The following BPIFB6 variants were observed in gnomAD, a reference collection of about 807,000 sequenced individuals.
BPIFB6 encodes the protein BPI fold-containing family B member 6.
In BPIFB6, 47 loss-of-function variants were observed where a neutral mutation model predicts 54.7. The observed-to-expected ratio is 0.86, with a 90% CI of 0.68 to 1.10. The LOEUF is 1.10. BPIFB6 is among the 50% of genes least tolerant of loss of function. The pLI is 0.00. For synonymous variants in BPIFB6, 255 were observed against 225.9 expected, an observed-to-expected ratio of 1.13 and a Z score of -1.16; for missense variants, 603 against 564.1, an observed-to-expected ratio of 1.07 and a Z score of -0.70.
In BPIFB6 at chr20:33,043,318, C is replaced by T. The variant is rs773930350; in HGVS notation, c.1280C>T (p.Pro427Leu). 2.9e-5 allele frequency: 47 copies of T among 1,614,074 alleles called. 1 individual carries two copies. The Middle Eastern group carries it at 8.2e-4, about 28-fold the overall frequency. ...GTGCTTCAAGTGGGGCTCCCACTCCCGGACTTTCTGGCCATGAATTACAAC... is the reference window on the plus strand; with the variant it reads ...GTGCTTCAAGTGGGGCTCCCACTCCTGGACTTTCTGGCCATGAATTACAAC... ...NDVLQVGLPL[P>L]DFLAMNYNLA... Residue 427 changes from proline to leucine, a missense_variant, in exon 14 of 15, where the codon CCG (proline) becomes CTG (leucine). By Grantham distance (98) the Pro-to-Leu change is moderately conservative. Transcript: ENST00000349552.
Position 33,038,908 on chromosome 20 carries a change from G to T in BPIFB6, c.847-1G>T, listed in dbSNP as rs143750023. ...CCCTAACCTTGACTTTTATTCTGTAGATTGGTGAGCTGCCCCCACAAACCA... is the reference window on the plus strand; with the variant it reads ...CCCTAACCTTGACTTTTATTCTGTATATTGGTGAGCTGCCCCCACAAACCA... On this transcript the variant is annotated splice_acceptor_variant, in intron 8 of 14. Transcript: ENST00000349552. LOFTEE classifies it high-confidence loss of function. 1 of 1,614,050 alleles carries T rather than the reference G, an allele frequency of 6.2e-7. No homozygotes were observed. The highest frequency in any genetic ancestry group is 1.3e-5 in the African/African-American group (1 of 75,004).
rs776411676 is a variant in BPIFB6 at position 33,042,875 on chromosome 20, A to G, written c.1249A>G (p.Asn417Asp). ...YLEEAYIPVV[N>D]DVLQVGLPLP... ...CGAAGAAGCCTACATCCCAGTTGTC[A>G]ATGGTGAGGGTTCCAAAAGGCTTTG... The change falls in exon 13 of 15, where the codon AAT becomes GAT. Residue 417 changes from asparagine (N) to aspartate (D), a missense_variant. Asn to Asp is a conservative substitution (Grantham distance 23). Coordinates refer to ENST00000349552, the MANE Select transcript of BPIFB6 (RefSeq NM_174897.2). The G allele has an allele frequency of 1.2e-6, 2 of 1,613,972 alleles. No homozygotes were observed. Among genetic ancestry groups the G allele is most frequent in the South Asian group, 1.1e-5 (1 of 91,074 alleles).
rs1324579541 is a variant in BPIFB6 at position 33,037,564 on chromosome 20, T to C, written c.672T>C (p.Pro224=). 2.5e-6 allele frequency: 4 copies of C among 1,609,694 alleles called. No individual in the cohort carries two copies. Among genetic ancestry groups the C allele is most frequent in the Non-Finnish European group, 3.4e-6 (4 of 1,176,980 alleles). The part of the protein sequence containing the change: ...TASYIQLDFS[P]VVQQQKGKTI... ...GTCTCCCTCCTGCTGCCCCATAGCC[T>C]GTGGTGCAGCAGCAAAAGGGCAAAA... The change falls in exon 8 of 15, where the codon CCT becomes CCC. Residue 224 remains proline, a splice_region_variant and synonymous_variant. Coordinates refer to ENST00000349552, the MANE Select transcript of BPIFB6 (RefSeq NM_174897.2).
intron 9 of BPIFB6, 28 bp from the exon 10 acceptor site, chr20:33,039,319 C>A: frequency 6.3e-7 from 1 of 1,584,514 alleles, no homozygotes. Context: ...AAGGACTGGC[C>A]CTGAGTGAAG....
chr20:33,043,368 G>T lies in BPIFB6; in HGVS notation c.1329+1G>T. 6.2e-7 allele frequency: 1 copy of T among 1,614,044 alleles called. No homozygotes were observed. The highest frequency in any genetic ancestry group is 8.5e-7 in the Non-Finnish European group (1 of 1,179,902). Reference sequence around the variant, plus strand: ...CCTGGCTGAGCTGGACATAGTAGAGGTGAGAGGAGGGGCTAGGGGAGGTCA... The same window carrying T: ...CCTGGCTGAGCTGGACATAGTAGAGTTGAGAGGAGGGGCTAGGGGAGGTCA... On this transcript the variant is annotated splice_donor_variant, in intron 14 of 14. Transcript: ENST00000349552. LOFTEE classifies it high-confidence loss of function.
In BPIFB6 at chr20:33,034,435, A is replaced by G. The variant is rs41293142; in HGVS notation, c.302+145A>G. 10,060 of 691,984 alleles carry G rather than the reference A, an allele frequency of 0.015. 656 individuals are homozygous for G. In the African/African-American group the frequency reaches 0.15, roughly 10 times the overall value. 42.9% of individuals were successfully genotyped at this position (691,984 alleles called of 1,614,324 possible). On this transcript the variant is annotated intron_variant, in intron 3 of 14. Coordinates refer to ENST00000349552, the MANE Select transcript of BPIFB6 (RefSeq NM_174897.2). ...GACTTGGTCCCTACCTTTGTCAGGA[A>G]CCAGACCTAAGCACAATCACAGACT...
Position 33,038,948 on chromosome 20 carries a change from C to G in BPIFB6, c.886C>G (p.Arg296Gly). ...LPPQTTKTLA[R>G]FIPEVAVAYP... ...CCCACAAACCACCAAGACCCTGGCT[C>G]GCTTCATTCCTGAAGTGAGTGCCCC... The change falls in exon 9 of 15, where the codon CGC (arginine) becomes GGC (glycine). Residue 296 changes from arginine to glycine, a missense_variant. By Grantham distance (125) the Arg-to-Gly change is moderately radical. Coordinates refer to ENST00000349552, the MANE Select transcript of BPIFB6 (RefSeq NM_174897.2). 6.2e-7 allele frequency: 1 copy of G among 1,614,042 alleles called. No homozygotes were observed. Among genetic ancestry groups the G allele is most frequent in the Non-Finnish European group, 8.5e-7 (1 of 1,180,002 alleles).
chr20:33,043,063 G>A (rs1979658607), intron 13 of BPIFB6, among the ~76,000 whole-genome samples, 185 bp downstream of exon 13: 2 of 152,202 alleles, frequency 1.3e-5, no homozygotes, highest in African/African-American at 4.8e-5. Context: ...GAAGACAAAT[G>A]CCTCTCCCAC....
At chr20:33,034,642 T>C in intron 3 of BPIFB6, 121 bp from the exon 4 acceptor site, 1 of 1,143,060 alleles carries the variant, frequency 8.7e-7, no homozygotes, top group Middle Eastern at 3.0e-4. Context: ...TTTTCTGTCT[T>C]GTAGGGGTGG....
intron 5 of BPIFB6, 28 bp downstream of exon 5, chr20:33,035,172 C>T: frequency 6.2e-7 from 1 of 1,610,116 alleles, no homozygotes; most frequent in Non-Finnish European, 8.5e-7. Flanking sequence ...AGCCTCCACC[C>T]CTCGTTGCTG....
rs1217826911 is a variant in BPIFB6 at position 33,035,150 on chromosome 20, T to C, written c.516+6T>C. On this transcript the variant is annotated splice_donor_region_variant and intron_variant, in intron 5 of 14. Coordinates refer to ENST00000349552, the MANE Select transcript of BPIFB6 (RefSeq NM_174897.2). ...ACAAAGTCCTCCCTGGGCTGGTGAG[T>C]GACCCAGAGAAAGCCTCCACCCCTC... 3 of 1,613,386 alleles carry C rather than the reference T, an allele frequency of 1.9e-6. No individual in the cohort carries two copies. Among genetic ancestry groups the C allele is most frequent in the Non-Finnish European group, 1.7e-6 (2 of 1,179,944 alleles).
At chr20:33,043,181 G>T (rs1979664496) in intron 13 of BPIFB6, 110 bp from the exon 14 acceptor site, 2 of 939,542 alleles carry the variant, frequency 2.1e-6, no homozygotes, top group Admixed American at 3.6e-5. Context: ...CAGCTGGCAG[G>T]CATCATGAAT....
Position 33,039,384 on chromosome 20 carries a change from C to G in BPIFB6, c.938C>G (p.Thr313Ser). Reference sequence around the variant, plus strand: ...TATCCCAAGTCAAAGCCCTTGACGACCCAGATCAAGATAAAGAAGCCTCCC... The same window carrying G: ...TATCCCAAGTCAAAGCCCTTGACGAGCCAGATCAAGATAAAGAAGCCTCCC... The part of the protein sequence containing the change: ...VAYPKSKPLT[T>S]QIKIKKPPKV... The change falls in exon 10 of 15, where the codon ACC (threonine) becomes AGC (serine). Residue 313 changes from threonine (T) to serine (S), a missense_variant. Transcript: ENST00000349552. The G allele has an allele frequency of 6.2e-7, 1 of 1,613,838 alleles. No individual in the cohort carries two copies. The highest frequency in any genetic ancestry group is 8.5e-7 in the Non-Finnish European group (1 of 1,179,904).
intron 3 of BPIFB6, 151 bp from the exon 4 acceptor site, chr20:33,034,612 C>A (rs1156981742): frequency 9.2e-6 from 8 of 870,254 alleles, no homozygotes; most frequent in Non-Finnish European, 1.1e-5. Flanking sequence ...GTTGTGTCAC[C>A]TGGGGCAGGT....
Position 33,037,542 on chromosome 20 carries a change from TC to T in BPIFB6, c.670-17del. On this transcript the variant is annotated intron_variant, in intron 7 of 14. Coordinates refer to ENST00000349552, the MANE Select transcript of BPIFB6 (RefSeq NM_174897.2). ...TCCCTCTCGGCCAAGGCTGAGTGTC[TC>T]CCTCCTGCTGCCCCATAGCCTGTGG... 6.3e-7 allele frequency: 1 copy of T among 1,590,054 alleles called. No individual in the cohort carries two copies. Among genetic ancestry groups the T allele is most frequent in the Non-Finnish European group, 8.6e-7 (1 of 1,164,278 alleles).
At chr20:33,040,150 G>T in intron 10 of BPIFB6, 101 bp from the exon 11 acceptor site, 2 of 1,045,044 alleles carry the variant, frequency 1.9e-6, no homozygotes, top group Non-Finnish European at 1.5e-6. Context: ...GCTTTGTCTT[G>T]GCAATGGTGG....
intron 6 of BPIFB6, 85 bp downstream of exon 6, chr20:33,035,757 C>A (rs1979311557): frequency 1.4e-6 from 2 of 1,392,490 alleles, no homozygotes; most frequent in Non-Finnish European, 2.0e-6. Context: ...CATCCTAGTG[C>A]CTGCTTCCAG....
chr20:33,034,824 C>T lies in BPIFB6; in HGVS notation c.364C>T (p.Leu122=), dbSNP rs34803695. 6.2e-7 allele frequency: 1 copy of T among 1,613,942 alleles called. No homozygotes were observed. Among genetic ancestry groups the T allele is most frequent in the African/African-American group, 1.3e-5 (1 of 75,022 alleles). ...ALNITATNRL[L]RDEETGLPVF... is the part of the protein sequence containing the mutation. Reference sequence around the variant, plus strand: ...GAACATCACAGCCACCAACCGGCTTCTGCGGGATGAGGAGACAGGCCTCCC... The same window carrying T: ...GAACATCACAGCCACCAACCGGCTTTTGCGGGATGAGGAGACAGGCCTCCC... Residue 122 remains leucine (L), a synonymous_variant, in exon 4 of 15, where the codon CTG becomes TTG. Transcript: ENST00000349552.
intron 2 of BPIFB6, chr20:33,033,619 T>C (rs1247677873): frequency 2.2e-6 from 1 of 456,706 alleles, no homozygotes; most frequent in East Asian, 6.9e-5. Context: ...TGGGGGTATG[T>C]GTGCCACATC....
Sources: allele counts gnomAD v4.1 joint callset (sites outside exome capture counted in the v4.1 genomes callset), GRCh38; gene constraint gnomAD v4.1.1; transcripts MANE v1.5; gene names NCBI Gene and HGNC (gene_info 2026-07-23, HGNC 2026-07-21).